The following TNS3 variants were observed in gnomAD, a reference collection of about 807,000 sequenced individuals.
TNS3 encodes tensin 3.
In TNS3, 45 loss-of-function variants were observed where a neutral mutation model predicts 140.9. The observed-to-expected ratio is 0.32, with a 90% confidence interval of 0.25 to 0.41. TNS3 has a LOEUF of 0.41. Ranked by LOEUF, TNS3 falls within the 10% of genes least tolerant of loss-of-function variation. The pLI, the probability that TNS3 is intolerant of heterozygous loss-of-function variation, is 1.00. For missense variants in TNS3, 1,716 were observed against 1,906.7 expected (o/e 0.90, Z 1.86); for synonymous variants, 815 against 788.4 (o/e 1.03, Z -0.56).
At chr7:47,371,788 T>C (rs991866461) in intron 16 of TNS3, among the ~76,000 whole-genome samples, 85 of 152,076 alleles carry the variant, frequency 5.6e-4, no homozygotes, top group African/African-American at 2.0e-3. Context: ...TGAAGTAGAG[T>C]GGTCCCTTGA....
chr7:47,275,656 G>A lies in TNS3; in HGVS notation c.*2420C>T. ...GTTTAATGCACATGTAACACAAAAG[G>A]AAGAAAGAAACTTCCTATACCAGCT... is the stretch of plus-strand genomic sequence containing the variant. On this transcript the variant is annotated 3_prime_UTR_variant, in exon 31 of 31. Coordinates refer to ENST00000311160, the MANE Select transcript of TNS3 (RefSeq NM_022748.12). 1.6e-5 allele frequency: 6 copies of A among 379,874 alleles called. No homozygotes were observed. The highest frequency in any genetic ancestry group is 1.2e-4 in the South Asian group (6 of 50,668). 23.5% of individuals were successfully genotyped at this position (379,874 alleles called of 1,614,324 possible).
chr7:47,311,713 A>G (rs956486358), intron 20 of TNS3, among the ~76,000 whole-genome samples: 6 of 152,196 alleles, frequency 3.9e-5, no homozygotes, highest in African/African-American at 2.4e-5. Flanking sequence ...TTGGAGTCCA[A>G]GAAGTTGTGG....
intron 16 of TNS3, among the ~76,000 whole-genome samples, chr7:47,389,119 A>AGCG (rs1314619974): frequency 0.021 from 1,004 of 48,550 alleles, 358 homozygotes; most frequent in Admixed American, 0.03. Flanking sequence ...CAGAAGAAGA[A>AGCG]GAAGAAGAAG....
At chr7:47,375,480 A>C (rs1791325730) in intron 16 of TNS3, among the ~76,000 whole-genome samples, 1 of 152,210 alleles carries the variant, frequency 6.6e-6, no homozygotes, top group African/African-American at 2.4e-5. Flanking sequence ...CAGAGCATAC[A>C]TTCTTGTCTC....
At chr7:47,529,470 C>T (rs1209204958) in intron 1 of TNS3, among the ~76,000 whole-genome samples, 1 of 152,248 alleles carries the variant, frequency 6.6e-6, no homozygotes, top group Non-Finnish European at 1.5e-5. Flanking sequence ...CAGACTTCAG[C>T]CGTAGAGCCA....
chr7:47,418,457 A>G (rs1794200142), intron 10 of TNS3, among the ~76,000 whole-genome samples: 1 of 152,234 alleles, frequency 6.6e-6, no homozygotes, highest in South Asian at 2.1e-4. Flanking sequence ...ATTGTAGGGT[A>G]TCAGATGCCC....
At chr7:47,428,617 A>T (rs1562728687) in intron 8 of TNS3, among the ~76,000 whole-genome samples, 1 of 152,218 alleles carries the variant, frequency 6.6e-6, no homozygotes, top group Non-Finnish European at 1.5e-5. Flanking sequence ...GAGCAGCTGT[A>T]GAAGCCCAGG....
intron 1 of TNS3, among the ~76,000 whole-genome samples, chr7:47,553,058 G>A (rs1183871739): frequency 6.6e-6 from 1 of 152,210 alleles, no homozygotes; most frequent in East Asian, 1.9e-4. Context: ...CCAGAGCAAG[G>A]CCCTAACTCT....
rs184898694 is a variant in TNS3 at position 47,369,510 on chromosome 7, C to A, written c.1136G>T (p.Ser379Ile). 3 of 1,613,970 alleles carry A rather than the reference C, an allele frequency of 1.9e-6. No homozygotes were observed. In the African/African-American group the frequency reaches 4.0e-5, roughly 22 times the overall value. The change falls in exon 17 of 31, where the codon AGC becomes ATC. Residue 379 changes from serine to isoleucine, a missense_variant. Physicochemically the swap from Ser to Ile is moderately radical, Grantham distance 142 (BLOSUM62 -2). This residue lies in a region of TNS3 where 1,163 missense variants were observed against 1,182.1 expected (regional missense o/e 0.98). Coordinates refer to ENST00000311160, the MANE Select transcript of TNS3 (RefSeq NM_022748.12). ...GGPQAIPATN[S>I]PDHSDHTLSV... ...CAAGGTGTGGTCACTGTGGTCTGGGCTGTTGGTGGCCGGGATTGCCTGGGG... is the reference window on the plus strand; with the variant it reads ...CAAGGTGTGGTCACTGTGGTCTGGGATGTTGGTGGCCGGGATTGCCTGGGG...
At position 47,369,181 on chromosome 7, in the gene TNS3, T is replaced by C; in HGVS notation, c.1465A>G (p.Ser489Gly). 1.2e-6 allele frequency: 2 copies of C among 1,614,194 alleles called. No homozygotes were observed. The highest frequency in any genetic ancestry group is 1.1e-5 in the South Asian group (1 of 91,090). The change falls in exon 17 of 31, where the codon AGT (serine) becomes GGT (glycine). Residue 489 changes from serine to glycine, a missense_variant. Physicochemically the swap from Ser to Gly is moderately conservative, Grantham distance 56 (BLOSUM62 0). Around this residue, in one of 3 missense-constraint regions of TNS3, gnomAD observed 1,163 missense variants for 1,182.1 expected, o/e 0.98. Transcript: ENST00000311160. ...GACAGGGTCCCAAGGCTGTCCACAC[T>C]GTGCAGGTCGTGGTGGGGCATCTCG... ...DDEMPHHDLH[S>G]VDSLGTLSSS...
intron 2 of TNS3, among the ~76,000 whole-genome samples, chr7:47,528,417 C>T (rs1584816723): frequency 6.6e-6 from 1 of 152,118 alleles, no homozygotes; most frequent in East Asian, 1.9e-4. Flanking sequence ...AAAGAGCAGC[C>T]CCCGCACTCT....
chr7:47,485,727 A>G (rs1797586334), intron 3 of TNS3, among the ~76,000 whole-genome samples: 1 of 152,226 alleles, frequency 6.6e-6, no homozygotes, highest in Non-Finnish European at 1.5e-5. Context: ...TCTTTCAGCT[A>G]TCCTGGGATC....
intron 1 of TNS3, among the ~76,000 whole-genome samples, chr7:47,569,140 C>A (rs1342381975): frequency 6.6e-6 from 1 of 152,254 alleles, no homozygotes; most frequent in South Asian, 2.1e-4. Context: ...TATTTGTGAA[C>A]ACGATCTGGG....
chr7:47,518,174 G>A (rs1035075905), intron 2 of TNS3, among the ~76,000 whole-genome samples: 3 of 152,094 alleles, frequency 2.0e-5, no homozygotes, highest in Admixed American at 1.3e-4. Flanking sequence ...CCTCCCAAAA[G>A]GGAAGTTAAA....
chr7:47,389,294 G>C (rs958289138), intron 16 of TNS3, among the ~76,000 whole-genome samples: 2 of 148,768 alleles, frequency 1.3e-5, no homozygotes, highest in Non-Finnish European at 3.0e-5. Context: ...CCGTCCAGTG[G>C]GATATCGGGG....
At chr7:47,442,125 T>C in intron 4 of TNS3, 70 bp from the exon 5 acceptor site, 2 of 1,024,016 alleles carry the variant, frequency 2.0e-6, no homozygotes, top group Non-Finnish European at 2.5e-6. Context: ...CAGACACCAC[T>C]GAGAGGGAAC....
intron 20 of TNS3, among the ~76,000 whole-genome samples, chr7:47,328,489 C>T (rs950998152): frequency 6.7e-6 from 1 of 149,690 alleles, no homozygotes; most frequent in African/African-American, 2.5e-5. Flanking sequence ...TGCCCCCAAA[C>T]CTGCCCCTCC....
intron 17 of TNS3, among the ~76,000 whole-genome samples, chr7:47,357,554 G>A (rs1790062780): frequency 6.6e-6 from 1 of 152,180 alleles, no homozygotes; most frequent in African/African-American, 2.4e-5. Flanking sequence ...GGAGGGCATA[G>A]CCTTAAAGAG....
chr7:47,300,124 G>C (rs1318870597), intron 23 of TNS3, among the ~76,000 whole-genome samples: 19 of 151,956 alleles, frequency 1.3e-4, no homozygotes, highest in Non-Finnish European at 1.5e-5. Context: ...TTTTCCTCCT[G>C]CATCACCCTG....
Sources: allele counts gnomAD v4.1 joint callset (sites outside exome capture counted in the v4.1 genomes callset), GRCh38; gene constraint gnomAD v4.1.1; regional missense constraint gnomAD v4.1.1; transcripts MANE v1.5; gene names NCBI Gene and HGNC (gene_info 2026-07-23, HGNC 2026-07-21).